Variants in PRDM15 observed in about 807,000 individuals in gnomAD.
PRDM15 encodes PR domain zinc finger protein 15.
A neutral mutation model predicts 128.6 loss-of-function variants in PRDM15; 64 were observed. That is an observed-to-expected ratio of 0.50 (90% CI 0.41 to 0.61). The LOEUF (loss-of-function observed/expected upper bound fraction) is 0.61, where lower values mean the gene tolerates loss of function less well. Among genes scored for constraint, PRDM15 ranks in the 20% least tolerant of loss-of-function variants. The pLI is 0.00. For synonymous variants in PRDM15, 615 were observed against 621.8 expected (o/e 0.99, Z 0.16); for missense variants, 1,242 against 1,569.1 (o/e 0.79, Z 3.52).
In PRDM15 at chr21:41,832,557, C is replaced by T. The variant is rs2062731651; in HGVS notation, c.1366+2880G>A. Among the ~76,000 whole-genome samples the T allele has an allele frequency of 6.6e-6, 1 of 152,328 alleles. No homozygotes were observed. The highest frequency in any genetic ancestry group is 1.9e-4 in the East Asian group (1 of 5,188). ...TGCTGTGGCATTGGATTGCCACACT[C>T]CCCTCAACCTGGGCCTCCTGAACAG... On this transcript the variant is annotated intron_variant, in intron 11 of 23. Coordinates refer to ENST00000398548, the MANE Select transcript of PRDM15 (RefSeq NM_001040424.3). The surrounding 1 kb of genome is among the most constrained non-coding windows in gnomAD (Gnocchi z 4.2).
chr21:41,859,567 C>T lies in PRDM15; in HGVS notation c.131+25G>A. 6.2e-7 allele frequency: 1 copy of T among 1,600,362 alleles called. No homozygotes were observed. Among genetic ancestry groups the T allele is most frequent in the Non-Finnish European group, 8.6e-7 (1 of 1,168,382 alleles). ...CTGCCGCAGCTGGCATATGGAAGGCCCGGGAGCTCACGGCGGTCACTCACC... is the reference window on the plus strand; with the variant it reads ...CTGCCGCAGCTGGCATATGGAAGGCTCGGGAGCTCACGGCGGTCACTCACC... On this transcript the variant is annotated intron_variant, in intron 3 of 23. Transcript: ENST00000398548. This position sits in a 1 kb window ranked among gnomAD's most constrained non-coding sequence, Gnocchi z 5.3.
intron 7 of PRDM15, 38 bp downstream of exon 7, chr21:41,839,585 C>T: frequency 6.3e-7 from 1 of 1,587,244 alleles, no homozygotes; most frequent in African/African-American, 1.3e-5. Context: ...GAGGGCTGCG[C>T]CCCACGCAGG....
intron 1 of PRDM15, 42 bp from the exon 2 acceptor site, chr21:41,860,414 C>T (rs1439793898): frequency 1.3e-6 from 2 of 1,569,682 alleles, no homozygotes; most frequent in Non-Finnish European, 1.8e-6. Flanking sequence ...CAAGCTCTTA[C>T]CAAAATACTT....
At chr21:41,805,813 T>TCATTACAC (rs1158025135) in intron 21 of PRDM15, among the ~76,000 whole-genome samples, 2 of 115,040 alleles carry the variant, frequency 1.7e-5, no homozygotes, top group Admixed American at 1.8e-4. Flanking sequence ...ACCACCTCCA[T>TCATTACAC]CACCATTACC....
At chr21:41,869,509 C>T (rs534076996) in intron 1 of PRDM15, among the ~76,000 whole-genome samples, 11 of 149,608 alleles carry the variant, frequency 7.4e-5, no homozygotes, top group Admixed American at 3.3e-4. Flanking sequence ...TCCAATGGTG[C>T]GATCTCGGCT....
chr21:41,843,414 G>A (rs1267416056), intron 6 of PRDM15, among the ~76,000 whole-genome samples: 1 of 152,100 alleles, frequency 6.6e-6, no homozygotes, highest in Non-Finnish European at 1.5e-5. Flanking sequence ...CAGCAACCTG[G>A]GCATTCCCTT....
chr21:41,836,980 TTC>T (rs1368213012), intron 8 of PRDM15: 3 of 184,856 alleles, frequency 1.6e-5, no homozygotes, highest in African/African-American at 2.3e-5. Context: ...GTCTTAACTC[TTC>T]TCTGTTTTAC....
chr21:41,875,810 T>C (rs2064392594), intron 1 of PRDM15, among the ~76,000 whole-genome samples: 1 of 152,246 alleles, frequency 6.6e-6, no homozygotes, highest in Admixed American at 6.5e-5. Context: ...CATAGGGCTG[T>C]GCTAACGTCT....
At position 41,810,120 on chromosome 21, in the gene PRDM15, G is replaced by A. The variant is rs777336406; in HGVS notation, c.2652+34C>T. 5.1e-5 allele frequency: 81 copies of A among 1,583,624 alleles called. 1 individual carries two copies. In the South Asian group the frequency reaches 7.4e-4, roughly 15 times the overall value. ...GGGGTGTCCGGTGCGCGGCCCGCTG[G>A]CGGGGCACGGAGGGGGCACAGCCAC... On this transcript the variant is annotated intron_variant, in intron 21 of 23. Transcript: ENST00000398548. The surrounding 1 kb of genome is among the most constrained non-coding windows in gnomAD (Gnocchi z 6.4).
At chr21:41,872,996 T>G (rs1380997451) in intron 1 of PRDM15, among the ~76,000 whole-genome samples, 1 of 152,204 alleles carries the variant, frequency 6.6e-6, no homozygotes, top group Non-Finnish European at 1.5e-5. Context: ...CCCATAGCTA[T>G]AACTTCCCGC....
In PRDM15 at chr21:41,821,592, A is replaced by G. The variant is rs1368861947; in HGVS notation, c.1896+311T>C. ...AGGCGCCCCAGCCTGCAGCCAGCAC[A>G]GCCACCTTCTAGGAGGCCGACCCCC... On this transcript the variant is annotated intron_variant, in intron 15 of 23. Transcript: ENST00000398548. This position sits in a 1 kb window ranked among gnomAD's most constrained non-coding sequence, Gnocchi z 5.4. Among the ~76,000 whole-genome samples, 1 of 152,148 alleles carries G rather than the reference A, an allele frequency of 6.6e-6. No homozygotes were observed. Among genetic ancestry groups the G allele is most frequent in the Non-Finnish European group, 1.5e-5 (1 of 67,992 alleles).
In PRDM15 at chr21:41,828,396, C is replaced by T; in HGVS notation, c.1367-63G>A. 6.4e-7 allele frequency: 1 copy of T among 1,565,860 alleles called. No homozygotes were observed. Among genetic ancestry groups the T allele is most frequent in the Non-Finnish European group, 8.8e-7 (1 of 1,141,348 alleles). ...GTAAATAACATCTCACGCAGGCACG[C>T]ACGTGTGGCCTGAACGTCAATAAAG... On this transcript the variant is annotated intron_variant, in intron 11 of 23. Coordinates refer to ENST00000398548, the MANE Select transcript of PRDM15 (RefSeq NM_001040424.3). This position sits in a 1 kb window ranked among gnomAD's most constrained non-coding sequence, Gnocchi z 5.7.
intron 5 of PRDM15, among the ~76,000 whole-genome samples, chr21:41,850,618 C>T (rs1389138384): frequency 6.6e-6 from 1 of 152,030 alleles, no homozygotes; most frequent in Non-Finnish European, 1.5e-5. Context: ...CCTGTGGTCC[C>T]AGCTACTAGG....
At chr21:41,869,561 C>T (rs2064139848) in intron 1 of PRDM15, among the ~76,000 whole-genome samples, 1 of 152,000 alleles carries the variant, frequency 6.6e-6, no homozygotes, top group African/African-American at 2.4e-5. Context: ...ATTCTCCTGC[C>T]TCAGCCTCTG....
chr21:41,872,388 G>A (rs1410850188), intron 1 of PRDM15, among the ~76,000 whole-genome samples: 1 of 152,028 alleles, frequency 6.6e-6, no homozygotes, highest in Non-Finnish European at 1.5e-5. Flanking sequence ...TAGTTAAATC[G>A]ATGTATATAT....
Position 41,798,643 on chromosome 21 carries a change from G to A in PRDM15, c.*2597C>T, listed in dbSNP as rs1302083941. The A allele has an allele frequency of 6.6e-6, 1 of 152,232 alleles. No individual in the cohort carries two copies. The allele number at this position is 152,232 out of a possible 1,614,324, so 9.4% of individuals were successfully genotyped here. On this transcript the variant is annotated 3_prime_UTR_variant, in exon 24 of 24. Coordinates refer to ENST00000398548, the MANE Select transcript of PRDM15 (RefSeq NM_001040424.3). ...GCACTCGAGTCCACAGCTGCACGGA[G>A]CCACGGGTCCAAAACGAATTCTCCA...
At chr21:41,809,607 T>A (rs1046228335) in intron 21 of PRDM15, among the ~76,000 whole-genome samples, 4 of 152,242 alleles carry the variant, frequency 2.6e-5, no homozygotes, top group African/African-American at 9.6e-5. Context: ...CAACTCCTTT[T>A]GCTGCTTTTA....
chr21:41,801,382 A>G lies in PRDM15; in HGVS notation c.3284T>C (p.Leu1095Pro), dbSNP rs2061411937. Residue 1095 changes from leucine to proline, a missense_variant, in exon 24 of 24, where the codon CTT becomes CCT. Around this residue, in one of 3 missense-constraint regions of PRDM15, gnomAD observed 602 missense variants for 788.3 expected, o/e 0.76. Transcript: ENST00000398548. ...VNSITPLGSQ[L>P]SDQHPLTWRA... ...CCACGTGAGCGGGTGCTGGTCACTA[A>G]GCTGGCTCCCCAGGGGCGTGATGGA... 7 of 1,612,128 alleles carry G rather than the reference A, an allele frequency of 4.3e-6. No homozygotes were observed. Among genetic ancestry groups the G allele is most frequent in the Non-Finnish European group, 5.9e-6 (7 of 1,178,438 alleles).
chr21:41,878,144 C>T (rs2064487204), intron 1 of PRDM15, among the ~76,000 whole-genome samples: 1 of 152,268 alleles, frequency 6.6e-6, no homozygotes, highest in Non-Finnish European at 1.5e-5. Flanking sequence ...AAGCCAGTGG[C>T]TCCTTCACAT....
Sources: gnomAD v4.1 joint callset for allele counts (sites outside exome capture counted in the v4.1 genomes callset) on GRCh38, gnomAD v4.1.1 for gene constraint, gnomAD v4.1.1 regional missense constraint, Gnocchi (gnomAD v3.1) non-coding constraint, MANE v1.5 for transcripts, NCBI Gene and HGNC (gene_info 2026-07-23, HGNC 2026-07-21) for gene names.